Variants in JMJD1C observed in about 807,000 individuals in gnomAD.
The protein encoded by JMJD1C is jumonji domain-containing protein 1C.
In JMJD1C, 31 loss-of-function variants were observed where a neutral mutation model predicts 245.3. The ratio of observed to expected loss-of-function variants is 0.13; its 90% CI spans 0.09 to 0.17. The LOEUF is 0.17. JMJD1C is among the 10% of genes least tolerant of loss of function. The pLI is 1.00. For synonymous variants in JMJD1C, 1,057 were observed against 1,017.4 expected (o/e 1.04, Z -0.74); for missense variants, 2,691 against 3,000.2 (o/e 0.90, Z 2.41).
chr10:63,518,331 A>C (rs896133565), intron 1 of JMJD1C, among the ~76,000 whole-genome samples: 2 of 152,174 alleles, frequency 1.3e-5, no homozygotes, highest in Non-Finnish European at 2.9e-5. Context: ...CTGCTTTACC[A>C]CCCTGAAACA....
chr10:63,183,380 T>TG (rs1843719473), intron 22 of JMJD1C, 67 bp downstream of exon 22: 3 of 1,389,290 alleles, frequency 2.2e-6, no homozygotes, highest in Middle Eastern at 1.9e-4. Flanking sequence ...GCTGATATTC[T>TG]GGACAATACT....
chr10:63,393,183 A>C (rs1948216274), intron 1 of JMJD1C, among the ~76,000 whole-genome samples: 1 of 152,136 alleles, frequency 6.6e-6, no homozygotes, highest in Non-Finnish European at 1.5e-5. Context: ...TGGGAGAATC[A>C]CTTGAGCCTG....
chr10:63,243,103 T>TTATATATA (rs10607355), intron 3 of JMJD1C, among the ~76,000 whole-genome samples: 10,015 of 119,820 alleles, frequency 0.084, 770 homozygotes, highest in Non-Finnish European at 0.13. Context: ...CTAACATAAA[T>TTATATATA]TATATATATA....
chr10:63,276,754 C>A (rs1234314354), intron 2 of JMJD1C, among the ~76,000 whole-genome samples: 2 of 152,006 alleles, frequency 1.3e-5, no homozygotes, highest in African/African-American at 4.8e-5. Context: ...AGCCATGGCA[C>A]CCTACCAGGA....
chr10:63,298,518 CTCTTA>C (rs1453728016), intron 2 of JMJD1C, among the ~76,000 whole-genome samples: 4 of 152,150 alleles, frequency 2.6e-5, no homozygotes, highest in South Asian at 2.1e-4. Flanking sequence ...TCCATATTCT[CTCTTA>C]TAAGAACCCT....
intron 22 of JMJD1C, among the ~76,000 whole-genome samples, chr10:63,179,848 C>CA (rs1185733688): frequency 6.6e-6 from 1 of 151,562 alleles, no homozygotes; most frequent in African/African-American, 2.4e-5. Context: ...TTATCTTGAG[C>CA]AAAAAAACTC....
At position 63,465,855 on chromosome 10, in the gene JMJD1C, T is replaced by C. The variant is rs550705066; in HGVS notation, c.-193A>G. 7.3e-5 allele frequency: 51 copies of C among 702,010 alleles called. 1 individual carries two copies. The highest frequency in any genetic ancestry group is 7.3e-4 in the South Asian group (48 of 66,186). 43.5% of individuals were successfully genotyped at this position (702,010 alleles called of 1,614,324 possible). A position where few individuals can be genotyped will look rare whatever the true frequency, so the allele number is the denominator to read the frequency against. On this transcript the variant is annotated 5_prime_UTR_variant, in exon 1 of 26. Coordinates refer to ENST00000399262, the MANE Select transcript of JMJD1C (RefSeq NM_032776.3). The stretch of plus-strand genomic sequence containing the variant: ...TCGGGCCCTCCCCGCAAACACTCCT[T>C]TGGACTCCCAGATTCGCAGCCTTGT...
intron 1 of JMJD1C, among the ~76,000 whole-genome samples, chr10:63,486,137 T>TAAAAAAAAAAAAAAA (rs1166721473): frequency 2.2e-4 from 16 of 73,296 alleles, no homozygotes; most frequent in African/African-American, 1.1e-3. Context: ...CAAGCAATTG[T>TAAAAAAAAAAAAAAA]AAAAAAAAAA....
chr10:63,210,636 C>T (rs1847205057), intron 8 of JMJD1C, among the ~76,000 whole-genome samples: 1 of 152,110 alleles, frequency 6.6e-6, no homozygotes, highest in African/African-American at 2.4e-5. Context: ...CTTGGCTCTC[C>T]TGTGTTCCTC....
At chr10:63,247,768 T>G (rs1426165535) in intron 3 of JMJD1C, among the ~76,000 whole-genome samples, 1 of 151,196 alleles carries the variant, frequency 6.6e-6, no homozygotes, top group Non-Finnish European at 1.5e-5. Flanking sequence ...TTTTCCCATT[T>G]CTTTTCCAAA....
intron 2 of JMJD1C, among the ~76,000 whole-genome samples, chr10:63,322,819 A>G (rs28451952): frequency 3.5e-4 from 53 of 150,818 alleles, no homozygotes; most frequent in Middle Eastern, 3.2e-3. Flanking sequence ...AAAAAAAAAA[A>G]AAAACTTTTT....
chr10:63,217,673 AGAT>A (rs979599196), intron 4 of JMJD1C: 1 of 157,854 alleles, frequency 6.3e-6, no homozygotes, highest in Non-Finnish European at 1.4e-5. Context: ...AGATTGCAGT[AGAT>A]GACTACATGG....
Position 63,207,349 on chromosome 10 carries a change from C to T in JMJD1C, c.4320G>A (p.Gln1440=), listed in dbSNP as rs1405318876. The change falls in exon 10 of 26, where the codon CAG becomes CAA. Residue 1440 remains glutamine, a synonymous_variant. Coordinates refer to ENST00000399262, the MANE Select transcript of JMJD1C (RefSeq NM_032776.3). ...SECVSSKSVS[Q]PVAQKQECKV... is the part of the protein sequence containing the mutation. ...TGCATTCTTGTTTTTGAGCCACTGG[C>T]TGACTGACACTTTTTGAAGATACAC... is the stretch of plus-strand genomic sequence containing the variant. The T allele has an allele frequency of 1.2e-6, 2 of 1,613,776 alleles. No individual in the cohort carries two copies. The highest frequency in any genetic ancestry group is 2.2e-5 in the South Asian group (2 of 91,082).
intron 2 of JMJD1C, among the ~76,000 whole-genome samples, chr10:63,297,120 GTGTTTATT>G (rs1859527484): frequency 2.0e-5 from 3 of 152,156 alleles, no homozygotes; most frequent in Admixed American, 6.5e-5. Flanking sequence ...CGACAGCGAA[GTGTTTATT>G]TAAAAACATT....
intron 2 of JMJD1C, among the ~76,000 whole-genome samples, chr10:63,315,836 C>T (rs563935279): frequency 9.4e-6 from 1 of 106,228 alleles, no homozygotes; most frequent in East Asian, 2.5e-4. Context: ...GAGACACCGT[C>T]TCAAAAAAAA....
chr10:63,196,541 C>A (rs1000422138), intron 13 of JMJD1C, among the ~76,000 whole-genome samples: 1 of 152,114 alleles, frequency 6.6e-6, no homozygotes, highest in Non-Finnish European at 1.5e-5. Context: ...TTGGTTAATC[C>A]TATCAGTAGA....
At chr10:63,440,523 ATTGT>A (rs1951322778) in intron 1 of JMJD1C, among the ~76,000 whole-genome samples, 1 of 152,062 alleles carries the variant, frequency 6.6e-6, no homozygotes, top group African/African-American at 2.4e-5. Context: ...TTCTAATTAC[ATTGT>A]TTTTCATTCA....
intron 2 of JMJD1C, among the ~76,000 whole-genome samples, chr10:63,377,410 A>C (rs1446636363): frequency 3.3e-5 from 5 of 152,186 alleles, no homozygotes; most frequent in Admixed American, 2.0e-4. Flanking sequence ...TGTTAAGTAC[A>C]TTTTACCACA....
chr10:63,422,587 A>C (rs563606236), intron 1 of JMJD1C, among the ~76,000 whole-genome samples: 1 of 152,326 alleles, frequency 6.6e-6, no homozygotes, highest in African/African-American at 2.4e-5. Context: ...ATATATTCAA[A>C]GCAGGAGTCT....
Sources: gnomAD v4.1 joint callset for allele counts (sites outside exome capture counted in the v4.1 genomes callset) on GRCh38, gnomAD v4.1.1 for gene constraint, MANE v1.5 for transcripts, NCBI Gene and HGNC (gene_info 2026-07-23, HGNC 2026-07-21) for gene names.